The following TP53I11 variants were observed in gnomAD, a reference collection of about 807,000 sequenced individuals.
TP53I11 encodes tumor protein p53-inducible protein 11.
TP53I11 carries 9 observed loss-of-function variants against 23.3 expected under a neutral mutation model. The observed-to-expected ratio is 0.39, with a 90% confidence interval of 0.23 to 0.67. The LOEUF (loss-of-function observed/expected upper bound fraction) is 0.67, where lower values mean the gene tolerates loss of function less well. Ranked by LOEUF, TP53I11 falls within the 30% of genes least tolerant of loss-of-function variation. The pLI, the probability that TP53I11 is intolerant of heterozygous loss-of-function variation, is 0.48. For missense variants in TP53I11, 170 were observed against 255.2 expected (o/e 0.67, Z 2.27); for synonymous variants, 100 against 106.1 (o/e 0.94, Z 0.35).
At chr11:44,944,522 C>T (rs1862203860) in intron 1 of TP53I11, among the ~76,000 whole-genome samples, 1 of 152,164 alleles carries the variant, frequency 6.6e-6, no homozygotes, top group African/African-American at 2.4e-5. Flanking sequence ...AGCAAAGTCC[C>T]CAAGACTAAA....
At chr11:44,941,932 CT>C in intron 1 of TP53I11, among the ~76,000 whole-genome samples, 1 of 124,392 alleles carries the variant, frequency 8.0e-6, no homozygotes, top group Non-Finnish European at 1.7e-5. Flanking sequence ...CTGCTGACCC[CT>C]CTCCACCAAC....
intron 4 of TP53I11, 192 bp downstream of exon 4, chr11:44,937,111 TG>T: frequency 1.3e-6 from 1 of 786,930 alleles, no homozygotes; most frequent in Admixed American, 2.5e-5. Flanking sequence ...CCACAAACCA[TG>T]GGATCTAGTG....
chr11:44,936,431 TAGG>T lies in TP53I11; in HGVS notation c.334+369_334+371del, dbSNP rs1861114814. ...AACAGAAGTGGCTCTGGGGATAAAA[TAGG>T]GGGGGTGCGAGGGGTTTTGCAGACA... On this transcript the variant is annotated intron_variant, in intron 5 of 6. Transcript: ENST00000525680. The surrounding 1 kb of genome is among the most constrained non-coding windows in gnomAD (Gnocchi z 4.4). 2 of 1,232,030 alleles carry T rather than the reference TAGG, an allele frequency of 1.6e-6. No homozygotes were observed. The highest frequency in any genetic ancestry group is 3.1e-5 in the African/African-American group (2 of 64,232). 76.3% of individuals were successfully genotyped at this position (1,232,030 alleles called of 1,614,324 possible).
At chr11:44,941,131 A>C (rs1173520162) in intron 1 of TP53I11, 2 of 152,244 alleles carry the variant, frequency 1.3e-5, no homozygotes, top group Admixed American at 1.3e-4. Flanking sequence ...AAACACCTGC[A>C]CATTTGCCTG....
intron 1 of TP53I11, among the ~76,000 whole-genome samples, chr11:44,942,461 CAT>C (rs1204481422): frequency 2.6e-5 from 3 of 116,122 alleles, no homozygotes; most frequent in African/African-American, 6.5e-5. Context: ...CACACACACA[CAT>C]ACACACACAG....
At chr11:44,941,451 C>T (rs894189864) in intron 1 of TP53I11, among the ~76,000 whole-genome samples, 7 of 152,146 alleles carry the variant, frequency 4.6e-5, no homozygotes, top group Non-Finnish European at 8.8e-5. Flanking sequence ...CTGCTGAGGA[C>T]GCTCCCTGGA....
chr11:44,936,958 T>C lies in TP53I11; in HGVS notation c.238-59A>G. 1 of 1,236,100 alleles carries C rather than the reference T, an allele frequency of 8.1e-7. No homozygotes were observed. The highest frequency in any genetic ancestry group is 1.1e-6 in the Non-Finnish European group (1 of 877,868). The allele number at this position is 1,236,100 out of a possible 1,614,324, so 76.6% of individuals were successfully genotyped here. ...TTGGGAGAGGGTGGGGGGTGACAGC[T>C]GATGCTTCCCACAGACGTCTTCCTT... On this transcript the variant is annotated intron_variant, in intron 4 of 6. Transcript: ENST00000525680. This position sits in a 1 kb window ranked among gnomAD's most constrained non-coding sequence, Gnocchi z 4.4.
At chr11:44,935,919 C>T (rs1202642002) in intron 5 of TP53I11, 17 of 562,952 alleles carry the variant, frequency 3.0e-5, no homozygotes, top group South Asian at 2.5e-4. Flanking sequence ...GTCACTTCCC[C>T]GCATTGAGAC....
intron 1 of TP53I11, among the ~76,000 whole-genome samples, chr11:44,939,990 C>A (rs914265388): frequency 6.6e-6 from 1 of 152,232 alleles, no homozygotes; most frequent in East Asian, 1.9e-4. Context: ...GGACAGGAGG[C>A]CAACCCTACC....
rs1171837604 is a variant in TP53I11, at chr11:44,932,497, TGGAG to T, written c.*2383_*2386del. 3 of 152,264 alleles carry T rather than the reference TGGAG, an allele frequency of 2.0e-5. No individual in the cohort carries two copies. The highest frequency in any genetic ancestry group is 4.4e-5 in the Non-Finnish European group (3 of 68,070). 9.4% of individuals were successfully genotyped at this position (152,264 alleles called of 1,614,324 possible). A position where few individuals can be genotyped will look rare whatever the true frequency, so the allele number is the denominator to read the frequency against. ...AGCTTGACAAGAGGCTGCTGATGGCTGGAGGGAGCTGGGAGAAGAGGCGTTCCAG... is the reference window on the plus strand; with the variant it reads ...AGCTTGACAAGAGGCTGCTGATGGCTGGAGCTGGGAGAAGAGGCGTTCCAG... On this transcript the variant is annotated 3_prime_UTR_variant, in exon 7 of 7. Coordinates refer to ENST00000525680, the MANE Select transcript of TP53I11 (RefSeq NM_006034.5).
chr11:44,941,232 G>C (rs534397744), intron 1 of TP53I11, among the ~76,000 whole-genome samples: 4 of 152,172 alleles, frequency 2.6e-5, no homozygotes, highest in Non-Finnish European at 5.9e-5. Context: ...AGCCTTGGCC[G>C]GGGGAGGGGG....
rs759100563 is a variant in TP53I11 at position 44,934,558 on chromosome 11, C to T, written c.*326G>A. ...GACCCTCGACTTAGCCCACTACCCTCATGACTCCAGCCTGACTTTAGTCAG... is the reference window on the plus strand; with the variant it reads ...GACCCTCGACTTAGCCCACTACCCTTATGACTCCAGCCTGACTTTAGTCAG... On this transcript the variant is annotated 3_prime_UTR_variant, in exon 7 of 7. Coordinates refer to ENST00000525680, the MANE Select transcript of TP53I11 (RefSeq NM_006034.5). 7.0e-6 allele frequency: 2 copies of T among 286,658 alleles called. No individual in the cohort carries two copies. The highest frequency in any genetic ancestry group is 1.4e-5 in the Non-Finnish European group (2 of 146,250). The allele number at this position is 286,658 out of a possible 1,614,324, so 17.8% of individuals were successfully genotyped here. A position where few individuals can be genotyped will look rare whatever the true frequency, so the allele number is the denominator to read the frequency against.
chr11:44,935,699 C>A (rs889993859), intron 5 of TP53I11, 37 bp from the exon 6 acceptor site: 1 of 1,361,058 alleles, frequency 7.3e-7, no homozygotes, highest in Admixed American at 1.8e-5. Context: ...GGGGGTGGGA[C>A]AGCTGACTCC....
chr11:44,942,527 C>T (rs570451485), intron 1 of TP53I11, among the ~76,000 whole-genome samples: 2 of 152,290 alleles, frequency 1.3e-5, no homozygotes, highest in East Asian at 1.9e-4. Context: ...TGCAAATCAA[C>T]GGCTGTGGGA....
intron 1 of TP53I11, 35 bp downstream of exon 1, chr11:44,950,642 G>C (rs1016601994): frequency 6.6e-6 from 1 of 152,212 alleles, no homozygotes; most frequent in South Asian, 2.1e-4. Flanking sequence ...GGGAAAGTCC[G>C]CGGCTCGGAA....
At chr11:44,942,429 TACACACACAC>T (rs56662172) in intron 1 of TP53I11, among the ~76,000 whole-genome samples, 21,080 of 146,188 alleles carry the variant, frequency 0.14, 1,619 homozygotes, top group Middle Eastern at 0.27. Flanking sequence ...ACACACACCA[TACACACACAC>T]ACACACACAC....
At position 44,932,561 on chromosome 11, in the gene TP53I11, C is replaced by T. The variant is rs890874185; in HGVS notation, c.*2323G>A. ...AACGGAGCGTAGAGCGGGCCCACAC[C>T]GAGCTTTCCTCGCTGGACTTAAGGG... is the stretch of plus-strand genomic sequence containing the variant. On this transcript the variant is annotated 3_prime_UTR_variant, in exon 7 of 7. Coordinates refer to ENST00000525680, the MANE Select transcript of TP53I11 (RefSeq NM_006034.5). The T allele has an allele frequency of 2.0e-5, 3 of 152,242 alleles. No homozygotes were observed. Among genetic ancestry groups the T allele is most frequent in the South Asian group, 2.1e-4 (1 of 4,858 alleles). The allele number at this position is 152,242 out of a possible 1,614,324, so 9.4% of individuals were successfully genotyped here. A position where few individuals can be genotyped will look rare whatever the true frequency, so the allele number is the denominator to read the frequency against.
chr11:44,947,242 C>T (rs1005736869), intron 1 of TP53I11: 14 of 404,186 alleles, frequency 3.5e-5, no homozygotes, highest in Non-Finnish European at 6.0e-5. Context: ...AATTCCTGTC[C>T]TTTTCGACTC....
At position 44,936,179 on chromosome 11, in the gene TP53I11, C is replaced by A; in HGVS notation, c.335-517G>T. The A allele has an allele frequency of 4.0e-6, 4 of 1,007,272 alleles. No homozygotes were observed. The highest frequency in any genetic ancestry group is 4.7e-6 in the Non-Finnish European group (4 of 843,152). The allele number at this position is 1,007,272 out of a possible 1,614,324, so 62.4% of individuals were successfully genotyped here. On this transcript the variant is annotated intron_variant, in intron 5 of 6. Transcript: ENST00000525680. This position sits in a 1 kb window ranked among gnomAD's most constrained non-coding sequence, Gnocchi z 4.4. Reference sequence around the variant, plus strand: ...GACCACTGACTTGGCCTCTAGCAGGCCCCGCCCACCCAGTGTCTGCTGGTA... The same window carrying A: ...GACCACTGACTTGGCCTCTAGCAGGACCCGCCCACCCAGTGTCTGCTGGTA...
Sources: gnomAD v4.1 joint callset for allele counts (sites outside exome capture counted in the v4.1 genomes callset) on GRCh38, gnomAD v4.1.1 for gene constraint, Gnocchi (gnomAD v3.1) non-coding constraint, MANE v1.5 for transcripts, NCBI Gene and HGNC (gene_info 2026-07-23, HGNC 2026-07-21) for gene names.